Variants in PLEKHB1 observed in about 807,000 individuals in gnomAD.
PLEKHB1 encodes the protein pleckstrin homology domain containing B1.
A neutral mutation model predicts 36.2 loss-of-function variants in PLEKHB1; 29 were observed. The ratio of observed to expected loss-of-function variants is 0.80; its 90% confidence interval spans 0.60 to 1.09. PLEKHB1 has a LOEUF of 1.09. Among genes scored for constraint, PLEKHB1 ranks in the 50% least tolerant of loss-of-function variants. The pLI, the probability that PLEKHB1 is intolerant of heterozygous loss-of-function variation, is 0.00. For synonymous variants in PLEKHB1, 138 were observed against 140.0 expected (o/e 0.99, Z 0.10); for missense variants, 330 against 348.2 (o/e 0.95, Z 0.42).
chr11:73,653,389 T>C, intron 5 of PLEKHB1: 1 of 506,114 alleles, frequency 2.0e-6, no homozygotes, highest in Admixed American at 2.3e-5. Flanking sequence ...CTGAAGCTCA[T>C]TCATCCGCAC....
In PLEKHB1 at chr11:73,661,188, C is replaced by G. The variant is rs554167399; in HGVS notation, c.596-278C>G. The stretch of plus-strand genomic sequence containing the variant: ...GCGGTTGGGAATGCCCATCGTTAGG[C>G]GCCTGGTGGTTGTGCTTAGCGATCT... On this transcript the variant is annotated intron_variant, in intron 7 of 7. Coordinates refer to ENST00000354190, the MANE Select transcript of PLEKHB1 (RefSeq NM_021200.3). This position sits in a 1 kb window ranked among gnomAD's most constrained non-coding sequence, Gnocchi z 4.6. 6.6e-6 allele frequency among the ~76,000 whole-genome samples: 1 copy of G among 152,302 alleles called. No homozygotes were observed. The highest frequency in any genetic ancestry group is 1.9e-4 in the East Asian group (1 of 5,168).
chr11:73,653,413 T>A (rs1444028765), intron 5 of PLEKHB1: 1 of 479,138 alleles, frequency 2.1e-6, no homozygotes, highest in Non-Finnish European at 4.1e-6. Flanking sequence ...AAATATTTAC[T>A]GAGCTGCTAC....
intron 5 of PLEKHB1, chr11:73,653,453 G>T: frequency 2.2e-6 from 1 of 464,096 alleles, no homozygotes; most frequent in Non-Finnish European, 4.3e-6. Flanking sequence ...CAAGTGCCAG[G>T]GATCAGAGGT....
rs1408573214 is a variant in PLEKHB1, at chr11:73,660,765, A to G, written c.508A>G (p.Ser170Gly). ...VERRIWVRVY[S>G]PYQDYYEVVP... The stretch of plus-strand genomic sequence containing the variant: ...TTGGATTCCCCAGGTGCGCGTCTAC[A>G]GCCCGTACCAAGACTACTACGAGGT... Residue 170 changes from serine (S) to glycine (G), a missense_variant, in exon 7 of 8, where the codon AGC becomes GGC. By Grantham distance (56) the Ser-to-Gly change is moderately conservative (BLOSUM62 0). Transcript: ENST00000354190. 3.1e-6 allele frequency: 5 copies of G among 1,595,930 alleles called. No individual in the cohort carries two copies. Among genetic ancestry groups the G allele is most frequent in the Non-Finnish European group, 4.3e-6 (5 of 1,172,590 alleles).
In PLEKHB1 at chr11:73,661,441, C is replaced by G; in HGVS notation, c.596-25C>G. ...CTCTACTCCCTCCTAAGTCGCTGAT[C>G]CTCATGGGCTGTCTCCCTCTGCAGG... On this transcript the variant is annotated intron_variant, in intron 7 of 7. Coordinates refer to ENST00000354190, the MANE Select transcript of PLEKHB1 (RefSeq NM_021200.3). This position sits in a 1 kb window ranked among gnomAD's most constrained non-coding sequence, Gnocchi z 4.6. The G allele has an allele frequency of 1.2e-6, 2 of 1,613,196 alleles. No homozygotes were observed. Among genetic ancestry groups the G allele is most frequent in the Non-Finnish European group, 1.7e-6 (2 of 1,179,250 alleles).
intron 5 of PLEKHB1, among the ~76,000 whole-genome samples, 200 bp from the exon 6 acceptor site, chr11:73,655,603 G>C (rs574506011): frequency 1.3e-5 from 2 of 152,180 alleles, no homozygotes; most frequent in Non-Finnish European, 2.9e-5. Context: ...TCTTTTCTGC[G>C]TAACTTTGGC....
At chr11:73,656,419 C>G (rs1178070713) in intron 6 of PLEKHB1, among the ~76,000 whole-genome samples, 3 of 152,298 alleles carry the variant, frequency 2.0e-5, no homozygotes, top group African/African-American at 7.2e-5. Flanking sequence ...GGCACATGCT[C>G]AATTAGTGCT....
At position 73,647,788 on chromosome 11, in the gene PLEKHB1, C is replaced by G. The variant is rs1590786219; in HGVS notation, c.18+1162C>G. 4 of 982,976 alleles carry G rather than the reference C, an allele frequency of 4.1e-6. No homozygotes were observed. In the Admixed American group the frequency reaches 2.5e-4, roughly 60 times the overall value. 60.9% of individuals were successfully genotyped at this position (982,976 alleles called of 1,614,324 possible). On this transcript the variant is annotated intron_variant, in intron 1 of 7. Coordinates refer to ENST00000354190, the MANE Select transcript of PLEKHB1 (RefSeq NM_021200.3). ...GGAAAAGGAGTCTGCACCTGACCCTCTTGTCTGATCTGTGTCAAGACCGTG... is the reference window on the plus strand; with the variant it reads ...GGAAAAGGAGTCTGCACCTGACCCTGTTGTCTGATCTGTGTCAAGACCGTG...
intron 1 of PLEKHB1, 23 bp downstream of exon 1, chr11:73,646,649 A>G: frequency 1.3e-6 from 2 of 1,551,466 alleles, no homozygotes; most frequent in Non-Finnish European, 1.7e-6. Context: ...TCTCTGGGAC[A>G]GGAGGAAGGG....
At position 73,661,020 on chromosome 11, in the gene PLEKHB1, C is replaced by G. The variant is rs894250785; in HGVS notation, c.595+168C>G. The G allele has an allele frequency of 1.6e-5, 11 of 674,966 alleles. No homozygotes were observed. In the African/African-American group the frequency reaches 1.8e-4, roughly 11 times the overall value. The allele number at this position is 674,966 out of a possible 1,614,324, so 41.8% of individuals were successfully genotyped here. On this transcript the variant is annotated intron_variant, in intron 7 of 7. Transcript: ENST00000354190. The surrounding 1 kb of genome is among the most constrained non-coding windows in gnomAD (Gnocchi z 4.6). ...TCTCCATCCTGAGACTGGGAGAGCT[C>G]TGGAACCAGCGTTCGTCTCGAGCTG...
intron 5 of PLEKHB1, among the ~76,000 whole-genome samples, chr11:73,653,705 G>A (rs10898927): frequency 0.13 from 19,129 of 152,166 alleles, 1,421 homozygotes; most frequent in South Asian, 0.31. Context: ...TCCAGGCAGA[G>A]GGATCAGCAT....
In PLEKHB1 at chr11:73,650,700, G is replaced by A. The variant is rs376741198; in HGVS notation, c.242G>A (p.Cys81Tyr). 6.9e-6 allele frequency: 11 copies of A among 1,601,558 alleles called. No individual in the cohort carries two copies. The African/African-American group carries it at 1.3e-4, about 20-fold the overall frequency. ...CGTGACATAAAGATCGGCCCAGAGT[G>A]CCATGGTGAGCAGAAGCCCCTTCCT... ...NVRDIKIGPE[C>Y]HDVQPPEGRS... The change falls in exon 3 of 8, where the codon TGC (cysteine) becomes TAC (tyrosine). Residue 81 changes from cysteine to tyrosine, a missense_variant. By Grantham distance (194) the Cys-to-Tyr change is radical. Coordinates refer to ENST00000354190, the MANE Select transcript of PLEKHB1 (RefSeq NM_021200.3).
At chr11:73,658,799 T>C (rs993289733) in intron 6 of PLEKHB1, among the ~76,000 whole-genome samples, 13 of 152,188 alleles carry the variant, frequency 8.5e-5, no homozygotes, top group African/African-American at 3.1e-4. Flanking sequence ...TAATTTTTTG[T>C]AGAGACAGGT....
intron 5 of PLEKHB1, among the ~76,000 whole-genome samples, chr11:73,654,306 G>C (rs1228854128): frequency 6.6e-6 from 1 of 152,174 alleles, no homozygotes; most frequent in African/African-American, 2.4e-5. Context: ...ATCTGTGCTT[G>C]CTCTTTCTCT....
At chr11:73,649,513 G>C (rs1208210185) in intron 2 of PLEKHB1, among the ~76,000 whole-genome samples, 1 of 152,162 alleles carries the variant, frequency 6.6e-6, no homozygotes. Flanking sequence ...TTGACCCTCT[G>C]TGTGTCCACA....
intron 3 of PLEKHB1, chr11:73,651,490 G>T (rs35435292): frequency 0.036 from 21,361 of 585,332 alleles, 498 homozygotes; most frequent in Non-Finnish European, 0.048. Flanking sequence ...AAATTAGGAG[G>T]CCCAGAGAAG....
intron 6 of PLEKHB1, among the ~76,000 whole-genome samples, chr11:73,659,203 A>G (rs1052223086): frequency 5.4e-5 from 8 of 148,702 alleles, no homozygotes; most frequent in Non-Finnish European, 1.2e-4. Flanking sequence ...TCCAGCCTGG[A>G]CAACAAGAAT....
At chr11:73,658,835 T>C (rs908038389) in intron 6 of PLEKHB1, among the ~76,000 whole-genome samples, 1 of 152,222 alleles carries the variant, frequency 6.6e-6, no homozygotes, top group Non-Finnish European at 1.5e-5. Flanking sequence ...CAGACTGGTC[T>C]TGAACTCCTG....
intron 1 of PLEKHB1, chr11:73,648,715 C>T (rs1944820632): frequency 1.8e-6 from 2 of 1,138,990 alleles, no homozygotes; most frequent in Non-Finnish European, 2.2e-6. Flanking sequence ...GAAACTGAGA[C>T]CAGGACAGAG....
Sources: gnomAD v4.1 joint callset for allele counts (sites outside exome capture counted in the v4.1 genomes callset) on GRCh38, gnomAD v4.1.1 for gene constraint, Gnocchi (gnomAD v3.1) non-coding constraint, MANE v1.5 for transcripts, NCBI Gene and HGNC (gene_info 2026-07-23, HGNC 2026-07-21) for gene names.